Variants in KCNMB2 observed in about 807,000 individuals in gnomAD.
KCNMB2 encodes calcium-activated potassium channel subunit beta-2.
KCNMB2 carries 9 observed loss-of-function variants against 24.5 expected under a neutral mutation model. The observed-to-expected ratio is 0.37, with a 90% confidence interval of 0.22 to 0.64. The LOEUF (loss-of-function observed/expected upper bound fraction) is 0.64. Ranked by LOEUF, KCNMB2 falls within the 30% of genes least tolerant of loss-of-function variation. The probability of loss-of-function intolerance (pLI) is 0.63; values close to 1 mark genes in which losing one functional copy is unlikely to be tolerated. For synonymous variants in KCNMB2, 109 were observed against 104.4 expected (o/e 1.04, Z -0.27); for missense variants, 226 against 284.3 (o/e 0.79, Z 1.47).
intron 1 of KCNMB2, among the ~76,000 whole-genome samples, chr3:178,805,959 T>C (rs979280423): frequency 6.6e-6 from 1 of 152,090 alleles, no homozygotes; most frequent in Non-Finnish European, 1.5e-5. Flanking sequence ...GTCATTCATA[T>C]GCACATTACA....
At chr3:178,559,964 T>C (rs1283353540) in intron 1 of KCNMB2, among the ~76,000 whole-genome samples, 2 of 147,658 alleles carry the variant, frequency 1.4e-5, no homozygotes, top group Non-Finnish European at 3.0e-5. Flanking sequence ...ATGTATAAAA[T>C]ATATATTAAA....
chr3:178,608,665 C>G (rs1718365751), intron 1 of KCNMB2, among the ~76,000 whole-genome samples: 1 of 152,080 alleles, frequency 6.6e-6, no homozygotes, highest in Non-Finnish European at 1.5e-5. Context: ...GCCCCCTCAG[C>G]CCCCAACTAC....
At chr3:178,663,844 T>A (rs1720621559) in intron 1 of KCNMB2, among the ~76,000 whole-genome samples, 1 of 151,972 alleles carries the variant, frequency 6.6e-6, no homozygotes, top group Non-Finnish European at 1.5e-5. Context: ...TGCAAAGGAG[T>A]GTTTTAAGGG....
At chr3:178,629,194 C>T (rs916817884) in intron 1 of KCNMB2, among the ~76,000 whole-genome samples, 3 of 152,096 alleles carry the variant, frequency 2.0e-5, no homozygotes, top group Non-Finnish European at 2.9e-5. Context: ...CCATATTAAG[C>T]GACTCATTGT....
At chr3:178,643,270 G>A (rs1719790389) in intron 1 of KCNMB2, among the ~76,000 whole-genome samples, 1 of 152,172 alleles carries the variant, frequency 6.6e-6, no homozygotes, top group Non-Finnish European at 1.5e-5. Flanking sequence ...GGAAGGGATA[G>A]AAGTGGTGAC....
At chr3:178,822,218 T>C (rs9828148) in intron 2 of KCNMB2, among the ~76,000 whole-genome samples, 39,702 of 152,018 alleles carry the variant, frequency 0.26, 6,971 homozygotes, top group African/African-American at 0.51. Context: ...TCCATCCCTT[T>C]GTTCATGTGA....
At chr3:178,541,591 T>C (rs1354908874) in intron 1 of KCNMB2, among the ~76,000 whole-genome samples, 1 of 152,228 alleles carries the variant, frequency 6.6e-6, no homozygotes, top group African/African-American at 2.4e-5. Context: ...AATAGAATAA[T>C]CTTATTGTAC....
intron 1 of KCNMB2, among the ~76,000 whole-genome samples, chr3:178,648,231 A>G (rs1427605707): frequency 1.3e-5 from 2 of 152,152 alleles, no homozygotes; most frequent in Non-Finnish European, 2.9e-5. Flanking sequence ...ATACACAAAA[A>G]TATTATGTCA....
At chr3:178,687,511 T>C (rs1018704963) in intron 1 of KCNMB2, among the ~76,000 whole-genome samples, 8 of 151,154 alleles carry the variant, frequency 5.3e-5, no homozygotes, top group African/African-American at 1.9e-4. Flanking sequence ...GTGCTGCTTA[T>C]GGGAATTAAC....
chr3:178,560,346 G>C (rs1716271426), intron 1 of KCNMB2, among the ~76,000 whole-genome samples: 1 of 152,142 alleles, frequency 6.6e-6, no homozygotes, highest in East Asian at 1.9e-4. Flanking sequence ...AGAATCTGAG[G>C]TGACTAATAA....
intron 1 of KCNMB2, among the ~76,000 whole-genome samples, chr3:178,602,407 G>A (rs1196805306): frequency 6.6e-6 from 1 of 152,058 alleles, no homozygotes; most frequent in Admixed American, 6.6e-5. Flanking sequence ...TTAGGAAATA[G>A]AATAAACACG....
intron 1 of KCNMB2, among the ~76,000 whole-genome samples, chr3:178,800,301 A>G (rs1265015969): frequency 1.3e-5 from 2 of 152,206 alleles, no homozygotes; most frequent in African/African-American, 4.8e-5. Context: ...TAGTAACCAG[A>G]ATATGTAAGG....
chr3:178,779,665 G>C (rs1349549033), intron 1 of KCNMB2, among the ~76,000 whole-genome samples: 2 of 151,946 alleles, frequency 1.3e-5, no homozygotes, highest in Non-Finnish European at 2.9e-5. Context: ...ATGTTCCTCT[G>C]TCCTCTTTAC....
intron 1 of KCNMB2, among the ~76,000 whole-genome samples, chr3:178,629,150 A>C (rs772366538): frequency 6.6e-6 from 1 of 152,076 alleles, no homozygotes. Flanking sequence ...CCAAACTTCT[A>C]TTCTTTCACT....
chr3:178,790,544 A>C (rs142628202), intron 1 of KCNMB2, among the ~76,000 whole-genome samples: 2 of 152,296 alleles, frequency 1.3e-5, no homozygotes, highest in African/African-American at 4.8e-5. Flanking sequence ...TGCCTTAAAA[A>C]GAGAAACTCA....
At chr3:178,759,177 A>G (rs1177222281) in intron 1 of KCNMB2, among the ~76,000 whole-genome samples, 1 of 108,672 alleles carries the variant, frequency 9.2e-6, no homozygotes, top group Non-Finnish European at 1.9e-5. Context: ...GGATACATAT[A>G]TATATATCTA....
chr3:178,729,703 G>A (rs901543397), intron 1 of KCNMB2, among the ~76,000 whole-genome samples: 3 of 152,154 alleles, frequency 2.0e-5, no homozygotes, highest in African/African-American at 7.2e-5. Context: ...TACACTTTGT[G>A]TCATCTCAGC....
intron 1 of KCNMB2, among the ~76,000 whole-genome samples, chr3:178,786,316 C>G (rs1429105472): frequency 6.6e-6 from 1 of 152,126 alleles, no homozygotes; most frequent in Non-Finnish European, 1.5e-5. Flanking sequence ...AAATACCTCC[C>G]TTACCAATTT....
chr3:178,550,457 C>CA (rs71671909), intron 1 of KCNMB2, among the ~76,000 whole-genome samples: 15,557 of 45,520 alleles, frequency 0.34, 3,415 homozygotes, highest in East Asian at 0.6. Context: ...GACTCCGTCT[C>CA]AAAAAAAAAA....
Sources: allele counts gnomAD v4.1 joint callset (sites outside exome capture counted in the v4.1 genomes callset), GRCh38; gene constraint gnomAD v4.1.1; transcripts MANE v1.5; gene names NCBI Gene and HGNC (gene_info 2026-07-23, HGNC 2026-07-21).